Variants in YAP1 observed in about 807,000 individuals in gnomAD.
YAP1 encodes the protein transcriptional coactivator YAP1.
In YAP1, 5 loss-of-function variants were observed where a neutral mutation model predicts 56.9. The observed-to-expected ratio is 0.09, with a 90% CI of 0.05 to 0.18. The LOEUF (loss-of-function observed/expected upper bound fraction) is 0.18, where lower values mean the gene tolerates loss of function less well. Ranked by LOEUF, YAP1 falls within the 10% of genes least tolerant of loss-of-function variation. YAP1 has a pLI of 1.00. For missense variants in YAP1, 539 were observed against 651.8 expected (o/e 0.83, Z 1.88); for synonymous variants, 265 against 248.1 (o/e 1.07, Z -0.64).
At chr11:102,115,616 T>C (rs1015384601) in intron 2 of YAP1, among the ~76,000 whole-genome samples, 1 of 151,354 alleles carries the variant, frequency 6.6e-6, no homozygotes, top group Admixed American at 6.6e-5. Context: ...TTTAAAAAAA[T>C]TCATTTTCTG....
intron 6 of YAP1, among the ~76,000 whole-genome samples, chr11:102,217,459 G>A (rs1355060569): frequency 1.3e-5 from 2 of 152,096 alleles, no homozygotes; most frequent in African/African-American, 4.8e-5. Context: ...ATAAACAAAT[G>A]TAATATATTC....
At chr11:102,124,054 C>T (rs1426609888) in intron 2 of YAP1, among the ~76,000 whole-genome samples, 2 of 151,730 alleles carry the variant, frequency 1.3e-5, no homozygotes, top group Admixed American at 6.6e-5. Context: ...CGGGTTCAAG[C>T]GATTCTCCTG....
chr11:102,151,651 G>T (rs1254365750), intron 2 of YAP1, among the ~76,000 whole-genome samples: 1 of 152,154 alleles, frequency 6.6e-6, no homozygotes, highest in Non-Finnish European at 1.5e-5. Flanking sequence ...TATTCATTTT[G>T]ATGTCAGCAG....
chr11:102,190,442 C>T (rs1184014988), intron 4 of YAP1, among the ~76,000 whole-genome samples: 1 of 151,806 alleles, frequency 6.6e-6, no homozygotes, highest in Admixed American at 6.6e-5. Context: ...ACCAGCCTGG[C>T]CAACATAGTG....
chr11:102,161,388 T>A (rs866832488), intron 2 of YAP1, among the ~76,000 whole-genome samples: 34 of 132,454 alleles, frequency 2.6e-4, no homozygotes, highest in East Asian at 6.7e-4. Flanking sequence ...ACACACACAC[T>A]AAACAATTAG....
chr11:102,227,393 C>T (rs1950244396), intron 7 of YAP1, 76 bp from the exon 8 acceptor site: 1 of 955,112 alleles, frequency 1.0e-6, no homozygotes, highest in Non-Finnish European at 1.6e-6. Flanking sequence ...TGTTGCTGCT[C>T]AGCAGGTGTT....
At chr11:102,142,884 T>A (rs1218339034) in intron 2 of YAP1, among the ~76,000 whole-genome samples, 1 of 152,310 alleles carries the variant, frequency 6.6e-6, no homozygotes, top group African/African-American at 2.4e-5. Context: ...CATATAACAT[T>A]TGTTTTATGT....
chr11:102,203,353 T>G (rs1230299665), intron 4 of YAP1, among the ~76,000 whole-genome samples: 4 of 152,190 alleles, frequency 2.6e-5, no homozygotes, highest in African/African-American at 4.8e-5. Flanking sequence ...TAACAATAAT[T>G]CCCTTGATAA....
intron 2 of YAP1, among the ~76,000 whole-genome samples, chr11:102,120,300 A>G (rs1943571213): frequency 6.6e-6 from 1 of 152,208 alleles, no homozygotes; most frequent in South Asian, 2.1e-4. Flanking sequence ...CCTCCCCTTT[A>G]ATATTCTAGA....
chr11:102,205,069 G>A (rs1949052705), intron 4 of YAP1, among the ~76,000 whole-genome samples: 1 of 152,086 alleles, frequency 6.6e-6, no homozygotes, highest in Non-Finnish European at 1.5e-5. Context: ...AGTTTGATCA[G>A]TGTTGTATCA....
intron 3 of YAP1, among the ~76,000 whole-genome samples, chr11:102,164,156 G>A (rs1946459838): frequency 6.6e-6 from 1 of 151,718 alleles, no homozygotes; most frequent in African/African-American, 2.4e-5. Flanking sequence ...TCGCGCCTCA[G>A]CCTCCCGAGC....
In YAP1 at chr11:102,208,965, T is replaced by C. The variant is rs574860479; in HGVS notation, c.985-552T>C. ...CCTAAATCTTTATTCTCAAACTTAC[T>C]CTGGGTGATGGGTCCTGGACAGAAT... On this transcript the variant is annotated intron_variant, in intron 5 of 8. Transcript: ENST00000282441. Among the ~76,000 whole-genome samples, 5 of 152,326 alleles carry C rather than the reference T, an allele frequency of 3.3e-5. No individual in the cohort carries two copies. The South Asian group carries it at 1.0e-3, about 32-fold the overall frequency.
At chr11:102,208,644 GT>G (rs1399655500) in intron 5 of YAP1, among the ~76,000 whole-genome samples, 1 of 152,050 alleles carries the variant, frequency 6.6e-6, no homozygotes, top group Non-Finnish European at 1.5e-5. Context: ...AAAAAGAGCA[GT>G]TTTAAAATAT....
At position 102,147,067 on chromosome 11, in the gene YAP1, A is replaced by C. The variant is rs141333353; in HGVS notation, c.573-15389A>C. On this transcript the variant is annotated intron_variant, in intron 2 of 8. Transcript: ENST00000282441. ...TCTTCACAGTAACTCTGTTATCTCT[A>C]TTTTATTTTTGAGAAAGCTAGGGTA... Among the ~76,000 whole-genome samples, 154 of 152,246 alleles carry C rather than the reference A, an allele frequency of 1.0e-3. 1 individual carries two copies. Among genetic ancestry groups the C allele is most frequent in the Middle Eastern group, 3.4e-3 (1 of 294 alleles).
At chr11:102,166,127 C>A (rs1474445768) in intron 3 of YAP1, among the ~76,000 whole-genome samples, 1 of 152,144 alleles carries the variant, frequency 6.6e-6, no homozygotes, top group Non-Finnish European at 1.5e-5. Flanking sequence ...AGGAGTCAGT[C>A]AAAACTTTCC....
intron 6 of YAP1, among the ~76,000 whole-genome samples, chr11:102,210,990 C>T (rs1448332034): frequency 1.3e-5 from 2 of 152,106 alleles, no homozygotes; most frequent in African/African-American, 2.4e-5. Flanking sequence ...CTCCTGACCT[C>T]GTGATCCGCC....
intron 2 of YAP1, among the ~76,000 whole-genome samples, chr11:102,128,728 T>C (rs1944189425): frequency 6.6e-6 from 1 of 152,226 alleles, no homozygotes; most frequent in Non-Finnish European, 1.5e-5. Context: ...TCTAAGAATT[T>C]TGTTCAGAAG....
At chr11:102,154,033 G>T (rs572477907) in intron 2 of YAP1, among the ~76,000 whole-genome samples, 25 of 152,142 alleles carry the variant, frequency 1.6e-4, no homozygotes, top group African/African-American at 5.8e-4. Flanking sequence ...TAATGACCAT[G>T]ACTGTGACTA....
chr11:102,185,949 C>A (rs1334561635), intron 3 of YAP1, 69 bp from the exon 4 acceptor site: 4 of 1,420,432 alleles, frequency 2.8e-6, no homozygotes, highest in Admixed American at 5.6e-5. Flanking sequence ...TAAATTAGTA[C>A]CCCCTCCCAC....
Sources: allele counts gnomAD v4.1 joint callset (sites outside exome capture counted in the v4.1 genomes callset), GRCh38; gene constraint gnomAD v4.1.1; transcripts MANE v1.5; gene names NCBI Gene and HGNC (gene_info 2026-07-23, HGNC 2026-07-21).